Variants in STIL observed in about 807,000 individuals in gnomAD.
The protein encoded by STIL is STIL centriolar assembly protein.
A neutral mutation model predicts 110.1 loss-of-function variants in STIL; 55 were observed. The observed-to-expected ratio is 0.50, with a 90% confidence interval of 0.40 to 0.63. STIL has a LOEUF of 0.63. Ranked by LOEUF, STIL falls within the 20% of genes least tolerant of loss-of-function variation. STIL has a pLI of 0.00. For synonymous variants in STIL, 481 were observed against 530.0 expected (o/e 0.91, Z 1.27); for missense variants, 1,358 against 1,530.0 (o/e 0.89, Z 1.87).
At chr1:47,285,213 G>A (rs1010621574) in intron 10 of STIL, among the ~76,000 whole-genome samples, 3 of 151,934 alleles carry the variant, frequency 2.0e-5, no homozygotes, top group African/African-American at 7.3e-5. Context: ...TTCTGTTTTT[G>A]TAGAGGCAGG....
rs760401739 is a variant in STIL, at chr1:47,281,224, G to T, written c.1249-15C>A. On this transcript the variant is annotated splice_polypyrimidine_tract_variant and intron_variant, in intron 11 of 16. Transcript: ENST00000371877. ...ATCTTAGAAATCTACAAATAAGAAA[G>T]AAATAGAAAAAAAAAGTATTTTTTT... 1.7e-5 allele frequency: 28 copies of T among 1,600,158 alleles called. No individual in the cohort carries two copies. The highest frequency in any genetic ancestry group is 8.9e-5 in the East Asian group (4 of 44,718).
chr1:47,282,762 C>A, intron 10 of STIL: 2 of 316,404 alleles, frequency 6.3e-6, no homozygotes, highest in South Asian at 3.4e-5. Context: ...AATATAGAAA[C>A]AAGTAAGACT....
intron 12 of STIL, among the ~76,000 whole-genome samples, chr1:47,279,215 G>A (rs1356208607): frequency 6.6e-6 from 1 of 151,244 alleles, no homozygotes; most frequent in South Asian, 2.1e-4. Flanking sequence ...CCCGGGAGGC[G>A]GAGCTTGCAG....
intron 12 of STIL, among the ~76,000 whole-genome samples, chr1:47,279,300 ATC>A (rs1218846143): frequency 1.6e-5 from 2 of 123,096 alleles, no homozygotes; most frequent in African/African-American, 1.0e-4. Context: ...AAAAAAAAAA[ATC>A]ATACGTATAT....
At chr1:47,293,329 T>C (rs1645548844) in intron 8 of STIL, 129 bp downstream of exon 8, 2 of 714,084 alleles carry the variant, frequency 2.8e-6, no homozygotes, top group Non-Finnish European at 4.7e-6. Context: ...GTTTGTTTTT[T>C]CTTAATGTAC....
At chr1:47,288,202 C>G (rs556208039) in intron 9 of STIL, among the ~76,000 whole-genome samples, 1 of 151,572 alleles carries the variant, frequency 6.6e-6, no homozygotes, top group African/African-American at 2.4e-5. Context: ...AAAGAATGTA[C>G]TTTTATTAGT....
chr1:47,306,870 T>C (rs1327826202), intron 2 of STIL, among the ~76,000 whole-genome samples: 3 of 152,130 alleles, frequency 2.0e-5, no homozygotes, highest in Non-Finnish European at 4.4e-5. Flanking sequence ...AGACCACTAA[T>C]GGGGCCAGGC....
At chr1:47,289,883 A>T (rs773892449) in intron 8 of STIL, among the ~76,000 whole-genome samples, 1 of 147,938 alleles carries the variant, frequency 6.8e-6, no homozygotes, top group Non-Finnish European at 1.5e-5. Flanking sequence ...GCTTGTAATG[A>T]GCCAAGATCG....
Position 47,251,895 on chromosome 1 carries a change from T to C in STIL, c.3108A>G (p.Ala1036=). 1 of 1,611,322 alleles carries C rather than the reference T, an allele frequency of 6.2e-7. No homozygotes were observed. The highest frequency in any genetic ancestry group is 8.5e-7 in the Non-Finnish European group (1 of 1,179,090). ...ASVLACISPE[A]VISGLNCMSF... ...ACATGCAGTTTAATCCAGAGATCAC[T>C]GCTTCTGGGCTGATGCATGCCAACA... The change falls in exon 17 of 17, where the codon GCA becomes GCG. Residue 1036 remains alanine (A), a synonymous_variant. Transcript: ENST00000371877.
In STIL at chr1:47,251,375, G is replaced by C. The variant is rs1371653185; in HGVS notation, c.3628C>G (p.Gln1210Glu). 3 of 1,614,190 alleles carry C rather than the reference G, an allele frequency of 1.9e-6. No individual in the cohort carries two copies. Among genetic ancestry groups the C allele is most frequent in the Admixed American group, 1.7e-5 (1 of 60,024 alleles). ...TNEVLQTKAK[Q>E]QLTEKPAFLV... ...AAAGCTGGCTTTTCAGTCAACTGCTGTTTTGCTTTTGTCTGCAAAACTTCA... is the reference window on the plus strand; with the variant it reads ...AAAGCTGGCTTTTCAGTCAACTGCTCTTTTGCTTTTGTCTGCAAAACTTCA... The change falls in exon 17 of 17, where the codon CAG (glutamine) becomes GAG (glutamate). Residue 1210 changes from glutamine to glutamate, a missense_variant. Coordinates refer to ENST00000371877, the MANE Select transcript of STIL (RefSeq NM_001048166.1).
At chr1:47,312,725 T>A (rs1421085933) in intron 1 of STIL, among the ~76,000 whole-genome samples, 1 of 152,232 alleles carries the variant, frequency 6.6e-6, no homozygotes, top group Non-Finnish European at 1.5e-5. Flanking sequence ...GTTGATTTCT[T>A]ATTTTAAAAC....
rs773780479 is a variant in STIL, at chr1:47,269,706, A to T, written c.2544T>A (p.Val848=). The T allele has an allele frequency of 2.5e-6, 4 of 1,614,022 alleles. No individual in the cohort carries two copies. In the African/African-American group the frequency reaches 5.3e-5, roughly 22 times the overall value. Residue 848 remains valine, a synonymous_variant, in exon 14 of 17, where the codon GTT becomes GTA. Coordinates refer to ENST00000371877, the MANE Select transcript of STIL (RefSeq NM_001048166.1). The part of the protein sequence containing the change: ...LPGSASSLKA[V]DIPSFEESNI... The stretch of plus-strand genomic sequence containing the variant: ...TGCTCTCTTCAAAACTGGGAATATC[A>T]ACTGCTTTTAATGAAGATGCACTAC...
Position 47,250,733 on chromosome 1 carries a change from G to A in STIL, c.*403C>T, listed in dbSNP as rs1212171860. 2.8e-5 allele frequency: 5 copies of A among 177,502 alleles called. No individual in the cohort carries two copies. The highest frequency in any genetic ancestry group is 7.1e-5 in the African/African-American group (3 of 42,198). 11.0% of individuals were successfully genotyped at this position (177,502 alleles called of 1,614,324 possible). A position where few individuals can be genotyped will look rare whatever the true frequency, so the allele number is the denominator to read the frequency against. On this transcript the variant is annotated 3_prime_UTR_variant, in exon 17 of 17. Transcript: ENST00000371877. The stretch of plus-strand genomic sequence containing the variant: ...CCTGGGAAGATGAAGCAGGAAAATC[G>A]CTTGAACCCAGGAGGCAGAGGTTGC...
At chr1:47,295,702 A>G in intron 7 of STIL, 63 bp downstream of exon 7, 1 of 1,118,112 alleles carries the variant, frequency 8.9e-7, no homozygotes, top group Non-Finnish European at 1.4e-6. Flanking sequence ...ACTGAGTCAC[A>G]TGCTTATCAT....
intron 10 of STIL, chr1:47,283,382 A>G (rs187458363): frequency 9.8e-5 from 15 of 152,394 alleles, no homozygotes; most frequent in Admixed American, 8.5e-4. Context: ...ATTATGTTTA[A>G]GCAGAAATGG....
chr1:47,288,718 A>G (rs1353433538), intron 9 of STIL, among the ~76,000 whole-genome samples: 1 of 151,922 alleles, frequency 6.6e-6, no homozygotes, highest in East Asian at 1.9e-4. Flanking sequence ...CTTTAAGTAT[A>G]AAAAACCATT....
chr1:47,271,509 AG>A (rs759015378), intron 13 of STIL, among the ~76,000 whole-genome samples: 2 of 148,864 alleles, frequency 1.3e-5, no homozygotes, highest in Non-Finnish European at 3.0e-5. Context: ...CAGTGAGCCG[AG>A]ACTATGCCAT....
At chr1:47,310,636 T>C (rs1235779811) in intron 1 of STIL, among the ~76,000 whole-genome samples, 1 of 152,212 alleles carries the variant, frequency 6.6e-6, no homozygotes, top group Non-Finnish European at 1.5e-5. Context: ...AAAACCTTTG[T>C]ATCAACTTAG....
In STIL at chr1:47,301,733, G is replaced by T. The variant is rs767909834; in HGVS notation, c.281C>A (p.Thr94Lys). 1 of 1,613,844 alleles carries T rather than the reference G, an allele frequency of 6.2e-7. No individual in the cohort carries two copies. The highest frequency in any genetic ancestry group is 8.5e-7 in the Non-Finnish European group (1 of 1,179,960). The change falls in exon 5 of 17, where the codon ACA becomes AAA. Residue 94 changes from threonine (T) to lysine (K), a missense_variant. Coordinates refer to ENST00000371877, the MANE Select transcript of STIL (RefSeq NM_001048166.1). Reference protein sequence around the residue: ...LTADEDEEGVTLTVDRFDPGR... With the variant: ...LTADEDEEGVKLTVDRFDPGR... ...AGGATCAAAGCGATCTACTGTCAATGTTACACCTTCTTCATCTGTAGAACA... is the reference window on the plus strand; with the variant it reads ...AGGATCAAAGCGATCTACTGTCAATTTTACACCTTCTTCATCTGTAGAACA...
Sources: allele counts gnomAD v4.1 joint callset (sites outside exome capture counted in the v4.1 genomes callset), GRCh38; gene constraint gnomAD v4.1.1; transcripts MANE v1.5; gene names NCBI Gene and HGNC (gene_info 2026-07-23, HGNC 2026-07-21).